Variants in SLC22A23 observed in about 807,000 individuals in gnomAD.
SLC22A23 encodes solute carrier family 22 member 23.
A neutral mutation model predicts 61.0 loss-of-function variants in SLC22A23; 26 were observed. The ratio of observed to expected loss-of-function variants is 0.43; its 90% CI spans 0.31 to 0.59. The LOEUF (loss-of-function observed/expected upper bound fraction) is 0.59. Ranked by LOEUF, SLC22A23 falls within the 20% of genes least tolerant of loss-of-function variation. The pLI is 0.11. For missense variants in SLC22A23, 796 were observed against 934.7 expected (o/e 0.85, Z 1.94); for synonymous variants, 430 against 413.9 (o/e 1.04, Z -0.47).
At chr6:3,326,265 T>C (rs781437280) in intron 3 of SLC22A23, among the ~76,000 whole-genome samples, 2 of 152,246 alleles carry the variant, frequency 1.3e-5, no homozygotes, top group Admixed American at 6.5e-5. Context: ...CTCCAAAGGT[T>C]GTCTCAATCC....
intron 9 of SLC22A23, among the ~76,000 whole-genome samples, chr6:3,281,352 T>C (rs1484956002): frequency 6.6e-6 from 1 of 152,264 alleles, no homozygotes; most frequent in Non-Finnish European, 1.5e-5. Context: ...CAGAATCTCA[T>C]GAAACAATAT....
intron 1 of SLC22A23, among the ~76,000 whole-genome samples, chr6:3,434,421 C>T (rs1193930628): frequency 6.6e-6 from 1 of 151,966 alleles, no homozygotes; most frequent in African/African-American, 2.4e-5. Flanking sequence ...CCAGCCTGGC[C>T]AACATGGTGA....
Position 3,329,759 on chromosome 6 carries a change from C to T in SLC22A23, c.914-5757G>A, listed in dbSNP as rs1227420064. Among the ~76,000 whole-genome samples, 1 of 152,176 alleles carries T rather than the reference C, an allele frequency of 6.6e-6. No homozygotes were observed. The highest frequency in any genetic ancestry group is 2.4e-5 in the African/African-American group (1 of 41,448). Reference sequence around the variant, plus strand: ...TCATACTGAAGCCACGGAAGGCTTCCTATGTGTCGCTGGCCTCACAGACAT... The same window carrying T: ...TCATACTGAAGCCACGGAAGGCTTCTTATGTGTCGCTGGCCTCACAGACAT... On this transcript the variant is annotated intron_variant, in intron 3 of 9. Transcript: ENST00000406686. The surrounding 1 kb of genome is among the most constrained non-coding windows in gnomAD (Gnocchi z 4.8).
At chr6:3,354,494 T>C (rs1261887557) in intron 3 of SLC22A23, among the ~76,000 whole-genome samples, 1 of 152,188 alleles carries the variant, frequency 6.6e-6, no homozygotes, top group Non-Finnish European at 1.5e-5. Flanking sequence ...GTCAGATCCA[T>C]CGATATAGCA....
chr6:3,312,465 C>T (rs950084753), intron 4 of SLC22A23: 5 of 152,190 alleles, frequency 3.3e-5, no homozygotes, highest in Admixed American at 6.5e-5. Context: ...GGCACTCTGT[C>T]GCTTCTGCTC....
intron 3 of SLC22A23, among the ~76,000 whole-genome samples, chr6:3,335,903 T>C (rs981766982): frequency 4.6e-5 from 7 of 152,062 alleles, no homozygotes; most frequent in Admixed American, 2.0e-4. Flanking sequence ...TCCTGGCTAA[T>C]ACGGTGAAAT....
intron 1 of SLC22A23, among the ~76,000 whole-genome samples, chr6:3,436,157 A>C (rs1181412665): frequency 6.8e-6 from 1 of 146,646 alleles, no homozygotes; most frequent in African/African-American, 2.5e-5. Context: ...TGTCATCTAT[A>C]CTTTTTTTTT....
chr6:3,365,574 C>A (rs931416336), intron 3 of SLC22A23, among the ~76,000 whole-genome samples: 2 of 152,162 alleles, frequency 1.3e-5, no homozygotes, highest in East Asian at 3.9e-4. Flanking sequence ...CCTTGCGTAG[C>A]ACAGTCTCTA....
chr6:3,342,079 A>AG lies in SLC22A23; in HGVS notation c.914-18078dup, dbSNP rs1395582948. Among the ~76,000 whole-genome samples, 1 of 152,146 alleles carries AG rather than the reference A, an allele frequency of 6.6e-6. No individual in the cohort carries two copies. The highest frequency in any genetic ancestry group is 1.5e-5 in the Non-Finnish European group (1 of 68,032). Reference sequence around the variant, plus strand: ...TTAATTAAGATTTCTTCTTAATGAAAGCTGCTAGTTTAGGTTCAGCAGCTC... The same window carrying AG: ...TTAATTAAGATTTCTTCTTAATGAAAGGCTGCTAGTTTAGGTTCAGCAGCTC... On this transcript the variant is annotated intron_variant, in intron 3 of 9. Transcript: ENST00000406686. This position sits in a 1 kb window ranked among gnomAD's most constrained non-coding sequence, Gnocchi z 4.0.
intron 1 of SLC22A23, among the ~76,000 whole-genome samples, chr6:3,438,196 C>T (rs1305064598): frequency 6.6e-6 from 1 of 152,218 alleles, no homozygotes; most frequent in Non-Finnish European, 1.5e-5. Context: ...GACAACGCTA[C>T]CAAGTCCAGG....
Position 3,386,197 on chromosome 6 carries a change from C to T in SLC22A23, c.913+23991G>A, listed in dbSNP as rs1011481379. ...TATTAATGATCTGGGTTGACATTAG[C>T]TGGGAGCATCACAGGGAAGCCAGTG... On this transcript the variant is annotated intron_variant, in intron 3 of 9. Transcript: ENST00000406686. This position sits in a 1 kb window ranked among gnomAD's most constrained non-coding sequence, Gnocchi z 4.4. 6.6e-6 allele frequency among the ~76,000 whole-genome samples: 1 copy of T among 152,138 alleles called. No homozygotes were observed. The highest frequency in any genetic ancestry group is 2.4e-5 in the African/African-American group (1 of 41,430).
chr6:3,367,604 T>A (rs1360773427), intron 3 of SLC22A23, among the ~76,000 whole-genome samples: 2 of 152,158 alleles, frequency 1.3e-5, no homozygotes, highest in Non-Finnish European at 2.9e-5. Flanking sequence ...AAAACACTCA[T>A]GTTCCCATCA....
chr6:3,348,555 A>G (rs1238183695), intron 3 of SLC22A23, among the ~76,000 whole-genome samples: 1 of 152,198 alleles, frequency 6.6e-6, no homozygotes, highest in East Asian at 1.9e-4. Flanking sequence ...TGATGGAAAA[A>G]TGCAGCCCAC....
At chr6:3,451,050 G>A (rs1772133736) in intron 1 of SLC22A23, among the ~76,000 whole-genome samples, 2 of 152,150 alleles carry the variant, frequency 1.3e-5, no homozygotes, top group African/African-American at 4.8e-5. Flanking sequence ...ATTGGAGCTG[G>A]ACAAACATCC....
rs1333713825 is a variant in SLC22A23, at chr6:3,322,498, C to T, written c.1082+1336G>A. On this transcript the variant is annotated intron_variant, in intron 4 of 9. Coordinates refer to ENST00000406686, the MANE Select transcript of SLC22A23 (RefSeq NM_015482.2). This position sits in a 1 kb window ranked among gnomAD's most constrained non-coding sequence, Gnocchi z 4.1. ...TGTGCTGCGGGAGGGGTTTGGACAT[C>T]CAACTTCGGGACAAGAGCTGGAGGC... Among the ~76,000 whole-genome samples the T allele has an allele frequency of 6.6e-6, 1 of 152,212 alleles. No individual in the cohort carries two copies.
Position 3,327,318 on chromosome 6 carries a change from A to G in SLC22A23, c.914-3316T>C, listed in dbSNP as rs1443426077. Among the ~76,000 whole-genome samples the G allele has an allele frequency of 6.6e-6, 1 of 152,250 alleles. No homozygotes were observed. The highest frequency in any genetic ancestry group is 2.4e-5 in the African/African-American group (1 of 41,468). On this transcript the variant is annotated intron_variant, in intron 3 of 9. Coordinates refer to ENST00000406686, the MANE Select transcript of SLC22A23 (RefSeq NM_015482.2). This position sits in a 1 kb window ranked among gnomAD's most constrained non-coding sequence, Gnocchi z 4.1. ...GTGCCCGTGGAAGACCTTGGCTGGC[A>G]GCTGTGTCCCGGTACTTACTAGAAT... is the stretch of plus-strand genomic sequence containing the variant.
In SLC22A23 at chr6:3,457,042, A is replaced by C. The variant is rs1772443805; in HGVS notation, c.-483T>G. On this transcript the variant is annotated 5_prime_UTR_variant, in exon 1 of 10. Transcript: ENST00000406686. ...GCCTCCCGGAAGCCGCGAGCTCTGG[A>C]CCCAGCCTGCCGAGCCGGCCGCGCT... is the stretch of plus-strand genomic sequence containing the variant. 6.7e-6 allele frequency: 1 copy of C among 149,290 alleles called. No individual in the cohort carries two copies. 9.2% of individuals were successfully genotyped at this position (149,290 alleles called of 1,614,324 possible).
At chr6:3,394,072 C>T (rs1429199395) in intron 3 of SLC22A23, among the ~76,000 whole-genome samples, 1 of 152,220 alleles carries the variant, frequency 6.6e-6, no homozygotes, top group East Asian at 1.9e-4. Context: ...TAAGATCCGG[C>T]AGTGACCCCA....
chr6:3,296,976 C>T (rs1462509317), intron 5 of SLC22A23, among the ~76,000 whole-genome samples: 1 of 152,214 alleles, frequency 6.6e-6, no homozygotes, highest in African/African-American at 2.4e-5. Context: ...TCACTCAGGC[C>T]CCTGCACCTG....
Sources: allele counts gnomAD v4.1 joint callset (sites outside exome capture counted in the v4.1 genomes callset), GRCh38; gene constraint gnomAD v4.1.1; non-coding constraint Gnocchi (gnomAD v3.1); transcripts MANE v1.5; gene names NCBI Gene and HGNC (gene_info 2026-07-23, HGNC 2026-07-21).